Variants in POGZ observed in about 807,000 individuals in gnomAD.
POGZ encodes pogo transposable element with ZNF domain.
In POGZ, 17 loss-of-function variants were observed where a neutral mutation model predicts 134.6. The ratio of observed to expected loss-of-function variants is 0.13; its 90% CI spans 0.09 to 0.19. The LOEUF is 0.19. Among genes scored for constraint, POGZ ranks in the 10% least tolerant of loss-of-function variants. POGZ has a pLI of 1.00. For missense variants in POGZ, 1,306 were observed against 1,769.7 expected (o/e 0.74, Z 4.70); for synonymous variants, 693 against 657.1 (o/e 1.05, Z -0.84).
Position 151,403,248 on chromosome 1 carries a change from TG to T in POGZ, c.*1553del. The T allele has an allele frequency of 1.0e-6, 1 of 985,596 alleles. No homozygotes were observed. Among genetic ancestry groups the T allele is most frequent in the Non-Finnish European group, 1.2e-6 (1 of 829,868 alleles). 61.1% of individuals were successfully genotyped at this position (985,596 alleles called of 1,614,324 possible). On this transcript the variant is annotated 3_prime_UTR_variant, in exon 19 of 19. Coordinates refer to ENST00000271715, the MANE Select transcript of POGZ (RefSeq NM_015100.4). ...AGCAGGGTGGGGTGGGAGAAATGGG[TG>T]GTAACAAATGTCACACCTGTACCAC...
At chr1:151,418,857 C>T (rs7548686) in intron 10 of POGZ, among the ~76,000 whole-genome samples, 3,111 of 151,176 alleles carry the variant, frequency 0.021, 97 homozygotes, top group African/African-American at 0.072. Context: ...AACCCCGTCT[C>T]TACTAAAAAT....
chr1:151,440,531 A>G (rs945476530), intron 3 of POGZ, among the ~76,000 whole-genome samples: 3 of 152,214 alleles, frequency 2.0e-5, no homozygotes, highest in Admixed American at 6.5e-5. Context: ...GGAACCAATA[A>G]ACAAATGAAT....
chr1:151,445,581 C>T (rs1270482473), intron 1 of POGZ, among the ~76,000 whole-genome samples: 3 of 134,414 alleles, frequency 2.2e-5, no homozygotes, highest in Non-Finnish European at 4.8e-5. Flanking sequence ...AAAAGAAAAT[C>T]CAACTTATGG....
rs749021136 is a variant in POGZ at position 151,405,596 on chromosome 1, G to C, written c.3439C>G (p.Leu1147Val). Residue 1147 changes from leucine (L) to valine (V), a missense_variant, in exon 19 of 19, where the codon CTG (leucine) becomes GTG (valine). Coordinates refer to ENST00000271715, the MANE Select transcript of POGZ (RefSeq NM_015100.4). This position sits in a 1 kb window ranked among gnomAD's most constrained non-coding sequence, Gnocchi z 4.9. ...LSSDDRKENA[L>V]QTVGTGEPWC... Reference sequence around the variant, plus strand: ...GGTTCCCCTGTGCCCACTGTCTGCAGGGCATTCTCCTTTCGATCATCACTG... The same window carrying C: ...GGTTCCCCTGTGCCCACTGTCTGCACGGCATTCTCCTTTCGATCATCACTG... 1 of 1,614,202 alleles carries C rather than the reference G, an allele frequency of 6.2e-7. No individual in the cohort carries two copies. Among genetic ancestry groups the C allele is most frequent in the Non-Finnish European group, 8.5e-7 (1 of 1,180,032 alleles).
chr1:151,435,113 T>G (rs1209738582), intron 3 of POGZ, among the ~76,000 whole-genome samples: 1 of 152,148 alleles, frequency 6.6e-6, no homozygotes, highest in Admixed American at 6.6e-5. Flanking sequence ...TTGGCCATGC[T>G]AGTCTCAAAC....
intron 12 of POGZ, among the ~76,000 whole-genome samples, chr1:151,411,199 T>C (rs1654606363): frequency 6.6e-6 from 1 of 152,166 alleles, no homozygotes; most frequent in Non-Finnish European, 1.5e-5. Flanking sequence ...AACCCCTCTG[T>C]CTCTTACACC....
At chr1:151,432,888 G>A (rs1309992727) in intron 3 of POGZ, among the ~76,000 whole-genome samples, 1 of 152,126 alleles carries the variant, frequency 6.6e-6, no homozygotes, top group Non-Finnish European at 1.5e-5. Context: ...TAATTTGTCT[G>A]AATCCAGTTA....
chr1:151,403,746 T>G lies in POGZ; in HGVS notation c.*1056A>C. The G allele has an allele frequency of 1.0e-6, 1 of 985,764 alleles. No homozygotes were observed. The highest frequency in any genetic ancestry group is 5.2e-4 in the Middle Eastern group (1 of 1,914). The allele number at this position is 985,764 out of a possible 1,614,324, so 61.1% of individuals were successfully genotyped here. ...CGCTGGATTTCAACAAGTGGTCTTG[T>G]CTTTTTAAAGTTCAACACTTCTTGA... On this transcript the variant is annotated 3_prime_UTR_variant, in exon 19 of 19. Transcript: ENST00000271715.
chr1:151,446,659 G>A lies in POGZ; in HGVS notation c.-1-4454C>T, dbSNP rs1047675951. 4.0e-5 allele frequency among the ~76,000 whole-genome samples: 6 copies of A among 150,554 alleles called. No individual in the cohort carries two copies. The Admixed American group carries it at 4.0e-4, about 10-fold the overall frequency. ...TAATCCCAGCTACTCAGGAAGCTGA[G>A]GCAGGAGAATCGCTTGAACCTGAGA... On this transcript the variant is annotated intron_variant, in intron 1 of 18. Transcript: ENST00000271715.
At chr1:151,458,435 C>T (rs1450143691) in intron 1 of POGZ, among the ~76,000 whole-genome samples, 1 of 152,024 alleles carries the variant, frequency 6.6e-6, no homozygotes, top group African/African-American at 2.4e-5. Flanking sequence ...AGCTGCAGTG[C>T]ACTAAGGCTT....
At chr1:151,416,545 C>T (rs1399036450) in intron 10 of POGZ, among the ~76,000 whole-genome samples, 2 of 151,872 alleles carry the variant, frequency 1.3e-5, no homozygotes, top group Non-Finnish European at 2.9e-5. Context: ...ATGAAAAGAA[C>T]CCTAGGGCCA....
At chr1:151,435,978 T>C (rs1384580095) in intron 3 of POGZ, among the ~76,000 whole-genome samples, 3 of 140,736 alleles carry the variant, frequency 2.1e-5, no homozygotes, top group African/African-American at 2.6e-5. Flanking sequence ...TTTTTTGAGA[T>C]GGAGTTTCGC....
chr1:151,441,964 G>T (rs1227974606), intron 2 of POGZ, 117 bp downstream of exon 2: 4 of 683,400 alleles, frequency 5.9e-6, no homozygotes, highest in African/African-American at 5.4e-5. Flanking sequence ...ACCAGTGAGT[G>T]CCACAACGAG....
chr1:151,418,493 T>C (rs1041475552), intron 10 of POGZ, among the ~76,000 whole-genome samples: 13 of 152,054 alleles, frequency 8.5e-5, no homozygotes, highest in Non-Finnish European at 1.9e-4. Context: ...AATATATGGT[T>C]TGAAAGAAGA....
intron 5 of POGZ, 46 bp downstream of exon 5, chr1:151,429,557 C>A: frequency 1.0e-6 from 1 of 962,162 alleles, no homozygotes; most frequent in Non-Finnish European, 1.7e-6. Flanking sequence ...AAAAACAAAT[C>A]TTCTGGATGC....
chr1:151,432,076 G>C (rs1371023212), intron 3 of POGZ, among the ~76,000 whole-genome samples: 1 of 152,180 alleles, frequency 6.6e-6, no homozygotes, highest in Non-Finnish European at 1.5e-5. Context: ...AGCTGAGGCA[G>C]GAGAATTGCT....
Position 151,403,837 on chromosome 1 carries a change from G to T in POGZ, c.*965C>A. The T allele has an allele frequency of 1.0e-6, 1 of 985,520 alleles. No individual in the cohort carries two copies. The highest frequency in any genetic ancestry group is 1.2e-6 in the Non-Finnish European group (1 of 829,938). 61.0% of individuals were successfully genotyped at this position (985,520 alleles called of 1,614,324 possible). A position where few individuals can be genotyped will look rare whatever the true frequency, so the allele number is the denominator to read the frequency against. ...AGGCATGCTCTCCATCTAACAGGAT[G>T]AAGTTCAGTAAAGCAGGGACTGCCC... is the stretch of plus-strand genomic sequence containing the variant. On this transcript the variant is annotated 3_prime_UTR_variant, in exon 19 of 19. Transcript: ENST00000271715.
Position 151,437,435 on chromosome 1 carries a change from A to G in POGZ, c.283+3493T>C, listed in dbSNP as rs1659806433. Reference sequence around the variant, plus strand: ...CTTTTTAAAGTACACTAAGTGAAACAATACTGAATTGTTTAAAAATTATTC... The same window carrying G: ...CTTTTTAAAGTACACTAAGTGAAACGATACTGAATTGTTTAAAAATTATTC... On this transcript the variant is annotated intron_variant, in intron 3 of 18. Coordinates refer to ENST00000271715, the MANE Select transcript of POGZ (RefSeq NM_015100.4). Among the ~76,000 whole-genome samples, 4 of 152,210 alleles carry G rather than the reference A, an allele frequency of 2.6e-5. No individual in the cohort carries two copies. In the South Asian group the frequency reaches 8.3e-4, roughly 32 times the overall value.
At chr1:151,412,685 C>T (rs1049587375) in intron 10 of POGZ, among the ~76,000 whole-genome samples, 1 of 152,172 alleles carries the variant, frequency 6.6e-6, no homozygotes, top group Admixed American at 6.5e-5. Flanking sequence ...ATCCTCCTGT[C>T]TTACCACTGT....
Sources: gnomAD v4.1 joint callset for allele counts (sites outside exome capture counted in the v4.1 genomes callset) on GRCh38, gnomAD v4.1.1 for gene constraint, Gnocchi (gnomAD v3.1) non-coding constraint, MANE v1.5 for transcripts, NCBI Gene and HGNC (gene_info 2026-07-23, HGNC 2026-07-21) for gene names.